The following ARRDC5 variants were observed in gnomAD, a reference collection of about 807,000 sequenced individuals.
ARRDC5 encodes the protein arrestin domain containing 5, also known as arrestin domain-containing protein 5.
A neutral mutation model predicts 13.3 loss-of-function variants in ARRDC5; 12 were observed. That is an observed-to-expected ratio of 0.90 (90% CI 0.58 to 1.46). The LOEUF is 1.46. Ranked by LOEUF, ARRDC5 falls within the 40% of genes most tolerant of loss-of-function variation. The pLI, the probability that ARRDC5 is intolerant of heterozygous loss-of-function variation, is 0.00. For synonymous variants in ARRDC5, 181 were observed against 173.4 expected, an observed-to-expected ratio of 1.04 and a Z score of -0.34; for missense variants, 406 against 418.7, an observed-to-expected ratio of 0.97 and a Z score of 0.26.
At chr19:4,908,588 T>C in the ARRDC5 span, among the ~76,000 whole-genome samples, 1 of 152,110 alleles carries the variant, frequency 6.6e-6, no homozygotes, top group African/African-American at 2.4e-5. Flanking sequence ...CCTTGGAGTC[T>C]CATCTCCGAT....
chr19:4,896,184 GCA>G (rs2031702395), intron 2 of ARRDC5, among the ~76,000 whole-genome samples: 1 of 151,540 alleles, frequency 6.6e-6, no homozygotes, highest in African/African-American at 2.4e-5. Context: ...GCATGGTGGT[GCA>G]CATCTGTAAT....
chr19:4,894,554 G>T (rs2031641430), intron 2 of ARRDC5, among the ~76,000 whole-genome samples: 1 of 143,748 alleles, frequency 7.0e-6, no homozygotes, highest in Admixed American at 7.2e-5. Flanking sequence ...CATGGTGGTG[G>T]GTGCCTGTAG....
At chr19:4,893,146 A>C (rs1364938580) in intron 2 of ARRDC5, among the ~76,000 whole-genome samples, 1 of 141,736 alleles carries the variant, frequency 7.1e-6, no homozygotes, top group Non-Finnish European at 1.5e-5. Context: ...ATATTATATT[A>C]TTAGAATATA....
At chr19:4,916,367 C>T in the ARRDC5 span, among the ~76,000 whole-genome samples, 4 of 152,032 alleles carry the variant, frequency 2.6e-5, no homozygotes, top group African/African-American at 4.8e-5. Flanking sequence ...AAGACAAGCG[C>T]GCCCCCTCTT....
chr19:4,892,571 C>T (rs2031549555), intron 2 of ARRDC5, among the ~76,000 whole-genome samples: 1 of 148,908 alleles, frequency 6.7e-6, no homozygotes, highest in African/African-American at 2.5e-5. Context: ...GTTGTCCAGG[C>T]TAGTCTCAAA....
chr19:4,895,890 C>G (rs912624972), intron 2 of ARRDC5, among the ~76,000 whole-genome samples: 3 of 152,268 alleles, frequency 2.0e-5, no homozygotes, highest in African/African-American at 7.2e-5. Context: ...CCTCCACCCA[C>G]TCCATGCCAG....
intron 2 of ARRDC5, among the ~76,000 whole-genome samples, chr19:4,895,230 T>C (rs2031668970): frequency 6.6e-6 from 1 of 151,854 alleles, no homozygotes; most frequent in South Asian, 2.1e-4. Context: ...AAGACCAGCC[T>C]GGCCAACATG....
chr19:4,904,436 C>T (rs1216180069), upstream of ARRDC5, among the ~76,000 whole-genome samples: 1 of 152,208 alleles, frequency 6.6e-6, no homozygotes, highest in Non-Finnish European at 1.5e-5. Context: ...ACCTTGGCCT[C>T]CCAAAGTGCT....
chr19:4,907,704 C>CTTTT (rs59867968), upstream of ARRDC5, among the ~76,000 whole-genome samples: 7 of 47,692 alleles, frequency 1.5e-4, no homozygotes, highest in East Asian at 6.4e-4. Context: ...TTGGCCTGAT[C>CTTTT]TTTTTTTTTT....
chr19:4,896,901 A>C, intron 1 of ARRDC5, 25 bp from the exon 2 acceptor site: 2 of 1,546,276 alleles, frequency 1.3e-6, no homozygotes, highest in East Asian at 2.2e-5. Flanking sequence ...CACCGATGCC[A>C]TCAGAAGGTT....
rs376696880 is a variant in ARRDC5 at position 4,897,236 on chromosome 19, C to G, written c.254-360G>C. 7.2e-5 allele frequency among the ~76,000 whole-genome samples: 11 copies of G among 152,278 alleles called. 1 individual carries two copies. The highest frequency in any genetic ancestry group is 2.0e-4 in the Admixed American group (3 of 15,272). ...CCTCCCAAAGTGCTGGGGTTACAGG[C>G]GTGAGCCACTGCACCTGGCCTTTTT... On this transcript the variant is annotated intron_variant, in intron 1 of 2. Coordinates refer to ENST00000650722, the MANE Select transcript of ARRDC5 (RefSeq NM_001080523.3).
intron 2 of ARRDC5, among the ~76,000 whole-genome samples, chr19:4,892,733 G>T (rs900210755): frequency 2.2e-4 from 34 of 152,086 alleles, no homozygotes; most frequent in African/African-American, 6.8e-4. Context: ...CTTGTTGCCT[G>T]TTCTGTTCTT....
At chr19:4,894,924 A>G (rs937219941) in intron 2 of ARRDC5, among the ~76,000 whole-genome samples, 1 of 152,030 alleles carries the variant, frequency 6.6e-6, no homozygotes, top group African/African-American at 2.4e-5. Context: ...CCTGAAGGTT[A>G]ATTGAATCTG....
chr19:4,898,551 G>A (rs1599217700), intron 1 of ARRDC5, among the ~76,000 whole-genome samples: 1 of 151,962 alleles, frequency 6.6e-6, no homozygotes, highest in South Asian at 2.1e-4. Flanking sequence ...TAGTAGAGAT[G>A]GGGTTTCACC....
upstream of ARRDC5, among the ~76,000 whole-genome samples, chr19:4,907,041 C>G (rs939015671): frequency 2.0e-5 from 3 of 152,176 alleles, no homozygotes; most frequent in Non-Finnish European, 4.4e-5. Context: ...ATCTGGACAT[C>G]GTGGATTAGA....
At chr19:4,907,714 T>G (rs1474637756), upstream of ARRDC5, among the ~76,000 whole-genome samples, 1 of 144,360 alleles carries the variant, frequency 6.9e-6, no homozygotes, top group African/African-American at 2.6e-5. Context: ...CTTTTTTTTT[T>G]TTTTTTTTTT....
chr19:4,910,601 G>A, the ARRDC5 span: 1 of 343,912 alleles, frequency 2.9e-6, no homozygotes, highest in East Asian at 4.3e-5. Context: ...GGGGAAGGAG[G>A]GATGGGTTGG....
chr19:4,905,108 C>CTTTTTTTT, upstream of ARRDC5, among the ~76,000 whole-genome samples: 2 of 95,192 alleles, frequency 2.1e-5, no homozygotes, highest in Non-Finnish European at 4.0e-5. Context: ...CGTAAACTTT[C>CTTTTTTTT]TTTTTTTTTT....
upstream of ARRDC5, among the ~76,000 whole-genome samples, chr19:4,906,620 G>GTGCGGACC (rs1218615094): frequency 6.6e-6 from 1 of 152,136 alleles, no homozygotes; most frequent in Non-Finnish European, 1.5e-5. Flanking sequence ...GGACATGGTG[G>GTGCGGACC]TGCGGACCTC....
Sources: gnomAD v4.1 joint callset for allele counts (sites outside exome capture counted in the v4.1 genomes callset) on GRCh38, gnomAD v4.1.1 for gene constraint, MANE v1.5 for transcripts, NCBI Gene and HGNC (gene_info 2026-07-23, HGNC 2026-07-21) for gene names.